The following SHQ1 variants were observed in gnomAD, a reference collection of about 807,000 sequenced individuals.
SHQ1 encodes protein SHQ1 homolog.
In SHQ1, 49 loss-of-function variants were observed where a neutral mutation model predicts 53.8. That is an observed-to-expected ratio of 0.91 (90% confidence interval 0.72 to 1.16). SHQ1 has a LOEUF of 1.16. SHQ1 is among the 50% of genes most tolerant of loss of function. SHQ1 has a pLI of 0.00. For missense variants in SHQ1, 738 were observed against 683.1 expected, an observed-to-expected ratio of 1.08 and a Z score of -0.90; for synonymous variants, 243 against 251.0, an observed-to-expected ratio of 0.97 and a Z score of 0.30.
chr3:72,792,890 T>G (rs778666293), intron 10 of SHQ1, 26 bp downstream of exon 10: 2 of 1,595,146 alleles, frequency 1.3e-6, no homozygotes, highest in East Asian at 4.5e-5. Context: ...ATCTAAAAAT[T>G]CGTAAGTAAC....
chr3:72,800,197 G>T (rs2106820267), intron 9 of SHQ1, among the ~76,000 whole-genome samples: 1 of 152,204 alleles, frequency 6.6e-6, no homozygotes, highest in Middle Eastern at 3.4e-3. Context: ...TTCTGATACA[G>T]CAAGAAGGCC....
At chr3:72,730,615 T>C in the SHQ1 span, among the ~76,000 whole-genome samples, 17 of 152,178 alleles carry the variant, frequency 1.1e-4, no homozygotes, top group African/African-American at 4.1e-4. Context: ...CTCCTGGAGA[T>C]GCCGATTTCT....
intron 5 of SHQ1, among the ~76,000 whole-genome samples, chr3:72,832,133 T>C (rs757592668): frequency 6.6e-6 from 1 of 152,146 alleles, no homozygotes; most frequent in Admixed American, 6.5e-5. Flanking sequence ...CTAAAAAGTA[T>C]GTTAGAAGAG....
At chr3:72,744,679 A>G (rs975054039), downstream of SHQ1, among the ~76,000 whole-genome samples, 2 of 152,164 alleles carry the variant, frequency 1.3e-5, no homozygotes, top group African/African-American at 2.4e-5. Context: ...AGTCTAATCA[A>G]TGCTTCCTTC....
chr3:72,792,843 T>C, intron 10 of SHQ1, 73 bp downstream of exon 10: 1 of 1,273,716 alleles, frequency 7.9e-7, no homozygotes, highest in Non-Finnish European at 1.1e-6. Flanking sequence ...TTTCGTTTTC[T>C]TCCTCCTGGG....
At chr3:72,829,331 C>A (rs892729653) in intron 5 of SHQ1, among the ~76,000 whole-genome samples, 1 of 152,130 alleles carries the variant, frequency 6.6e-6, no homozygotes, top group Non-Finnish European at 1.5e-5. Context: ...CCCTTTAGTA[C>A]GCTTCTTCTT....
At position 72,832,414 on chromosome 3, in the gene SHQ1, T is replaced by C. The variant is rs2106925048; in HGVS notation, c.554A>G (p.Lys185Arg). Residue 185 changes from lysine (K) to arginine (R), a missense_variant, in exon 5 of 11, where the codon AAG becomes AGG. Physicochemically the swap from Lys to Arg is conservative, Grantham distance 26 (BLOSUM62 2). Coordinates refer to ENST00000325599, the MANE Select transcript of SHQ1 (RefSeq NM_018130.3). The stretch of plus-strand genomic sequence containing the variant: ...CTTGGCCAGCTCAGCGGCCAGGCGC[T>C]TCTGTCTTCGTTCAGCTGCAGGGGT... ...DFTPAAERRQ[K>R]RLAAELAKFD... 2 of 1,612,922 alleles carry C rather than the reference T, an allele frequency of 1.2e-6. No homozygotes were observed. The highest frequency in any genetic ancestry group is 2.7e-5 in the African/African-American group (2 of 75,018).
chr3:72,843,248 G>A (rs1708231143), intron 2 of SHQ1, among the ~76,000 whole-genome samples: 1 of 152,102 alleles, frequency 6.6e-6, no homozygotes, highest in African/African-American at 2.4e-5. Flanking sequence ...TTAGACTTCT[G>A]GGAAAGGAGG....
At chr3:72,847,030 C>G (rs1051145554) in intron 1 of SHQ1, among the ~76,000 whole-genome samples, 1 of 152,174 alleles carries the variant, frequency 6.6e-6, no homozygotes, top group Non-Finnish European at 1.5e-5. Context: ...TCTTTCTCCT[C>G]ATAGCACTCA....
At chr3:72,746,186 C>G (rs115721400), downstream of SHQ1, among the ~76,000 whole-genome samples, 61 of 152,156 alleles carry the variant, frequency 4.0e-4, no homozygotes, top group African/African-American at 8.9e-4. Context: ...GAGTCCCCCC[C>G]TCGTGAGCCA....
chr3:72,838,746 C>T (rs1708071886), intron 4 of SHQ1, among the ~76,000 whole-genome samples: 1 of 152,200 alleles, frequency 6.6e-6, no homozygotes, highest in African/African-American at 2.4e-5. Flanking sequence ...CTGCCTCAGC[C>T]TCCCAAAGTG....
downstream of SHQ1, among the ~76,000 whole-genome samples, chr3:72,744,344 T>A (rs1705219457): frequency 6.6e-6 from 1 of 152,202 alleles, no homozygotes; most frequent in Non-Finnish European, 1.5e-5. Flanking sequence ...TCCCAGCATG[T>A]TGGAGGGAAA....
chr3:72,843,707 T>C (rs1186582451), intron 2 of SHQ1, among the ~76,000 whole-genome samples: 1 of 152,224 alleles, frequency 6.6e-6, no homozygotes, highest in Non-Finnish European at 1.5e-5. Context: ...ACACATTAAT[T>C]ACACTGCATT....
chr3:72,794,049 G>A (rs1575698241), intron 9 of SHQ1: 1 of 152,082 alleles, frequency 6.6e-6, no homozygotes, highest in African/African-American at 2.4e-5. Flanking sequence ...TAATTATAAG[G>A]TGAACTATTA....
At chr3:72,792,716 C>T (rs555677050) in intron 10 of SHQ1, among the ~76,000 whole-genome samples, 200 bp downstream of exon 10, 5 of 135,880 alleles carry the variant, frequency 3.7e-5, no homozygotes, top group South Asian at 4.8e-4. Flanking sequence ...ACTTGGGAGA[C>T]GGAGGTTGCA....
chr3:72,766,789 G>C (rs1480744052), intron 10 of SHQ1, among the ~76,000 whole-genome samples: 1 of 152,096 alleles, frequency 6.6e-6, no homozygotes, highest in Non-Finnish European at 1.5e-5. Flanking sequence ...CCATTTTATT[G>C]AAGTCTAATC....
chr3:72,811,531 A>C (rs1707123540), intron 9 of SHQ1, among the ~76,000 whole-genome samples: 1 of 152,234 alleles, frequency 6.6e-6, no homozygotes, highest in Non-Finnish European at 1.5e-5. Flanking sequence ...TTCATCCTAT[A>C]ATCAACAATC....
chr3:72,793,410 G>A (rs1706504939), intron 9 of SHQ1: 1 of 155,074 alleles, frequency 6.4e-6, no homozygotes, highest in African/African-American at 2.4e-5. Flanking sequence ...GGGAGGCTGA[G>A]GCAGGAGAAC....
chr3:72,814,943 C>CAT (rs1481057443), intron 8 of SHQ1, among the ~76,000 whole-genome samples: 3 of 152,070 alleles, frequency 2.0e-5, no homozygotes, highest in Non-Finnish European at 2.9e-5. Flanking sequence ...TACATATACA[C>CAT]ATATATATAA....
Sources: gnomAD v4.1 joint callset for allele counts (sites outside exome capture counted in the v4.1 genomes callset) on GRCh38, gnomAD v4.1.1 for gene constraint, MANE v1.5 for transcripts, NCBI Gene and HGNC (gene_info 2026-07-23, HGNC 2026-07-21) for gene names.